CACTIN: variants seen among roughly 807,000 people sequenced by gnomAD.
CACTIN encodes cactin, spliceosome C complex subunit.
A neutral mutation model predicts 84.9 loss-of-function variants in CACTIN; 20 were observed. The observed-to-expected ratio is 0.24, with a 90% CI of 0.17 to 0.34. The LOEUF is 0.34. CACTIN is among the 10% of genes least tolerant of loss of function. CACTIN has a pLI of 1.00. For synonymous variants in CACTIN, 549 were observed against 467.9 expected, an observed-to-expected ratio of 1.17 and a Z score of -2.24; for missense variants, 897 against 1,117.2, an observed-to-expected ratio of 0.80 and a Z score of 2.81.
chr19:3,618,842 T>C (rs1163127222), intron 6 of CACTIN, 33 bp downstream of exon 6: 1 of 1,490,490 alleles, frequency 6.7e-7, no homozygotes, highest in Non-Finnish European at 9.1e-7. Flanking sequence ...CCCCCGCAGC[T>C]CCCCTGGAGC....
chr19:3,620,287 G>C lies in CACTIN; in HGVS notation c.739-15C>G. On this transcript the variant is annotated splice_polypyrimidine_tract_variant and intron_variant, in intron 3 of 9. Coordinates refer to ENST00000429344, the MANE Select transcript of CACTIN (RefSeq NM_001080543.2). ...AGCTGCTTCACCTGCAGGCACAGGA[G>C]GCTGAGGGCAGCGGGGACCGTGCGG... 6.4e-7 allele frequency: 1 copy of C among 1,554,308 alleles called. No homozygotes were observed. Among genetic ancestry groups the C allele is most frequent in the African/African-American group, 1.4e-5 (1 of 73,932 alleles).
Position 3,624,168 on chromosome 19 carries a change from G to A in CACTIN, c.168-6C>T, listed in dbSNP as rs1385115017. The A allele has an allele frequency of 6.5e-7, 1 of 1,548,030 alleles. No homozygotes were observed. Among genetic ancestry groups the A allele is most frequent in the South Asian group, 1.2e-5 (1 of 84,740 alleles). ...GCTCTTCCTCTGAATCTGACCTGCG[G>A]AGAGGACCATGGATGCCTGCTCAGT... On this transcript the variant is annotated splice_polypyrimidine_tract_variant and splice_region_variant and intron_variant, in intron 1 of 9. Transcript: ENST00000429344.
chr19:3,615,396 C>T lies in CACTIN; in HGVS notation c.1163-807G>A, dbSNP rs1267404663. On this transcript the variant is annotated intron_variant, in intron 6 of 9. Coordinates refer to ENST00000429344, the MANE Select transcript of CACTIN (RefSeq NM_001080543.2). This position sits in a 1 kb window ranked among gnomAD's most constrained non-coding sequence, Gnocchi z 5.2. ...GCCACTTCCACCCACCCCGCTGGGT[C>T]TGGCCTCACCTCGCAACCCTGCCCC... The T allele has an allele frequency of 6.5e-6, 1 of 153,682 alleles. No homozygotes were observed. The highest frequency in any genetic ancestry group is 1.4e-5 in the Non-Finnish European group (1 of 69,076). 9.5% of individuals were successfully genotyped at this position (153,682 alleles called of 1,614,324 possible).
rs180869159 is a variant in CACTIN, at chr19:3,620,326, G to A, written c.739-54C>T. 8.5e-4 allele frequency: 1,285 copies of A among 1,518,986 alleles called. 6 individuals carry two copies. In the African/African-American group the frequency reaches 0.014, roughly 17 times the overall value. The allele number at this position is 1,518,986 out of a possible 1,614,324, so 94.1% of individuals were successfully genotyped here. A position where few individuals can be genotyped will look rare whatever the true frequency, so the allele number is the denominator to read the frequency against. ...GGGACCGTGCGGTCTGCAGGGCTGC[G>A]GGGGGAGGGGCTGTGATGATGGGGG... On this transcript the variant is annotated intron_variant, in intron 3 of 9. Coordinates refer to ENST00000429344, the MANE Select transcript of CACTIN (RefSeq NM_001080543.2).
At chr19:3,612,598 G>A (rs2032989486) in intron 9 of CACTIN, among the ~76,000 whole-genome samples, 185 bp from the exon 10 acceptor site, 1 of 152,218 alleles carries the variant, frequency 6.6e-6, no homozygotes, top group South Asian at 2.1e-4. Flanking sequence ...TCCGCCCCGA[G>A]CCCCGGACCT....
At chr19:3,612,573 C>T (rs924080247) in intron 9 of CACTIN, among the ~76,000 whole-genome samples, 160 bp from the exon 10 acceptor site, 4 of 151,798 alleles carry the variant, frequency 2.6e-5, no homozygotes, top group African/African-American at 9.7e-5. Context: ...CTGGGCGACC[C>T]GGAGACCCAC....
At chr19:3,619,293 G>A in intron 4 of CACTIN, 51 bp from the exon 5 acceptor site, 1 of 1,584,280 alleles carries the variant, frequency 6.3e-7, no homozygotes, top group Non-Finnish European at 8.6e-7. Context: ...TGCCCTCCAT[G>A]CTAAAGACCC....
intron 2 of CACTIN, 112 bp from the exon 3 acceptor site, chr19:3,620,914 C>T (rs954255084): frequency 3.8e-6 from 3 of 797,912 alleles, no homozygotes; most frequent in Non-Finnish European, 6.4e-6. Context: ...AGAGAGGTGA[C>T]CTGCCAGCAC....
chr19:3,613,005 GCCCCCAGCTCGCCCCACTGGCCCCA>G, intron 9 of CACTIN, 28 bp downstream of exon 9: 3 of 1,424,102 alleles, frequency 2.1e-6, no homozygotes, highest in Non-Finnish European at 1.9e-6. Flanking sequence ...GAGAAGCCCC[GCCCCCAGCTCGCCCCACTGGCCCCA>G]CCCCCTGGCC....
intron 4 of CACTIN, 93 bp from the exon 5 acceptor site, chr19:3,619,335 G>A (rs529794514): frequency 7.9e-5 from 114 of 1,452,126 alleles, no homozygotes; most frequent in African/African-American, 7.4e-4. Flanking sequence ...AGTGGGAGCC[G>A]AGGAGGGGCC....
rs1265269295 is a variant in CACTIN at position 3,611,506 on chromosome 19, C to T, written c.*417G>A. ...TCTCACGAGCCTGGCACCGCCAAGCCCAGGCCCCTCTGGCCCATCTCCACA... is the reference window on the plus strand; with the variant it reads ...TCTCACGAGCCTGGCACCGCCAAGCTCAGGCCCCTCTGGCCCATCTCCACA... On this transcript the variant is annotated 3_prime_UTR_variant, in exon 10 of 10. Transcript: ENST00000429344. The T allele has an allele frequency of 2.7e-6, 1 of 367,662 alleles. No homozygotes were observed. Among genetic ancestry groups the T allele is most frequent in the Non-Finnish European group, 5.3e-6 (1 of 190,136 alleles). The allele number at this position is 367,662 out of a possible 1,614,324, so 22.8% of individuals were successfully genotyped here.
chr19:3,613,705 G>T, intron 7 of CACTIN, 119 bp from the exon 8 acceptor site: 1 of 1,396,798 alleles, frequency 7.2e-7, no homozygotes, highest in Non-Finnish European at 9.6e-7. Flanking sequence ...GAGCAGCCAC[G>T]GCTCTGGCTG....
intron 9 of CACTIN, 142 bp downstream of exon 9, chr19:3,612,916 T>C (rs6510763): frequency 0.71 from 730,645 of 1,032,174 alleles, 260,207 homozygotes; most frequent in African/African-American, 0.82. Context: ...GGTGACGGAA[T>C]GCACGCTCAG....
intron 7 of CACTIN, chr19:3,614,005 G>A: frequency 2.3e-6 from 1 of 436,846 alleles, no homozygotes; most frequent in Non-Finnish European, 4.2e-6. Flanking sequence ...AGGCCGGGAG[G>A]CAGCAGCGCT....
intron 4 of CACTIN, among the ~76,000 whole-genome samples, chr19:3,619,845 C>T (rs1377277137): frequency 6.6e-6 from 1 of 152,130 alleles, no homozygotes; most frequent in African/African-American, 2.4e-5. Flanking sequence ...GGGTGCCACC[C>T]TCCTGGGTGG....
Position 3,610,787 on chromosome 19 carries a change from G to A in CACTIN, c.*1136C>T, listed in dbSNP as rs1297316924. On this transcript the variant is annotated 3_prime_UTR_variant, in exon 10 of 10. Coordinates refer to ENST00000429344, the MANE Select transcript of CACTIN (RefSeq NM_001080543.2). ...TATTTCCAGATGAGGCGGGGTGTCT[G>A]GGAGGGGCTGTGGGTGGTCTGGGGC... 4.4e-6 allele frequency: 2 copies of A among 456,964 alleles called. No individual in the cohort carries two copies. Among genetic ancestry groups the A allele is most frequent in the Non-Finnish European group, 8.8e-6 (2 of 227,010 alleles). The allele number at this position is 456,964 out of a possible 1,614,324, so 28.3% of individuals were successfully genotyped here. A position where few individuals can be genotyped will look rare whatever the true frequency, so the allele number is the denominator to read the frequency against.
chr19:3,614,784 G>A lies in CACTIN; in HGVS notation c.1163-195C>T, dbSNP rs568766022. On this transcript the variant is annotated intron_variant, in intron 6 of 9. Transcript: ENST00000429344. ...CCACAGCGGAGGGGAGGGGGTGGGC[G>A]GAGGTTGGGAGCCACGTTAAGATGC... is the stretch of plus-strand genomic sequence containing the variant. 8.3e-5 allele frequency: 50 copies of A among 605,768 alleles called. 1 individual carries two copies. The highest frequency in any genetic ancestry group is 5.4e-4 in the South Asian group (28 of 51,848). 37.5% of individuals were successfully genotyped at this position (605,768 alleles called of 1,614,324 possible).
intron 7 of CACTIN, among the ~76,000 whole-genome samples, 179 bp downstream of exon 7, chr19:3,614,218 G>GC (rs1167662414): frequency 1.4e-5 from 2 of 141,732 alleles, no homozygotes; most frequent in Non-Finnish European, 3.0e-5. Context: ...GGGACTACGC[G>GC]CCCCCCGGCC....
intron 2 of CACTIN, among the ~76,000 whole-genome samples, chr19:3,622,101 G>C (rs1175754483): frequency 6.6e-6 from 1 of 152,122 alleles, no homozygotes; most frequent in Non-Finnish European, 1.5e-5. Context: ...TATGGTGGCT[G>C]ACACCTGTAA....
Sources: gnomAD v4.1 joint callset for allele counts (sites outside exome capture counted in the v4.1 genomes callset) on GRCh38, gnomAD v4.1.1 for gene constraint, Gnocchi (gnomAD v3.1) non-coding constraint, MANE v1.5 for transcripts, NCBI Gene and HGNC (gene_info 2026-07-23, HGNC 2026-07-21) for gene names.